CLASP1: variants seen among roughly 807,000 people sequenced by gnomAD.
CLASP1 encodes the protein cytoplasmic linker associated protein 1.
In CLASP1, 38 loss-of-function variants were observed where a neutral mutation model predicts 192.3. That is an observed-to-expected ratio of 0.20 (90% CI 0.15 to 0.26). The LOEUF (loss-of-function observed/expected upper bound fraction) is 0.26. Among genes scored for constraint, CLASP1 ranks in the 10% least tolerant of loss-of-function variants. CLASP1 has a pLI of 1.00. For missense variants in CLASP1, 1,433 were observed against 1,932.5 expected (o/e 0.74, Z 4.85); for synonymous variants, 691 against 712.8 (o/e 0.97, Z 0.49).
intron 2 of CLASP1, among the ~76,000 whole-genome samples, chr2:121,552,663 A>G (rs2058147258): frequency 6.6e-6 from 1 of 152,236 alleles, no homozygotes; most frequent in Non-Finnish European, 1.5e-5. Flanking sequence ...ACACAGTCAG[A>G]ATGGCTATTA....
intron 8 of CLASP1, among the ~76,000 whole-genome samples, chr2:121,483,104 T>C (rs531153943): frequency 1.3e-5 from 2 of 152,312 alleles, no homozygotes; most frequent in African/African-American, 4.8e-5. Flanking sequence ...CTCTTCTAGA[T>C]ACCAAAGCTC....
intron 7 of CLASP1, among the ~76,000 whole-genome samples, chr2:121,507,796 A>G (rs928903419): frequency 6.6e-6 from 1 of 152,218 alleles, no homozygotes; most frequent in East Asian, 1.9e-4. Flanking sequence ...CATTGTGCAC[A>G]AGGGATCCTC....
chr2:121,468,745 T>C (rs1373339625), intron 9 of CLASP1, among the ~76,000 whole-genome samples: 1 of 152,188 alleles, frequency 6.6e-6, no homozygotes, highest in Non-Finnish European at 1.5e-5. Context: ...ACTTCCTCTC[T>C]TCCTATGTGA....
chr2:121,645,604 C>T (rs2073039730), intron 1 of CLASP1, among the ~76,000 whole-genome samples: 1 of 152,202 alleles, frequency 6.6e-6, no homozygotes, highest in Non-Finnish European at 1.5e-5. Context: ...TCTACAAACT[C>T]CCTGTGCCAT....
chr2:121,645,407 A>T (rs1298668232), intron 1 of CLASP1, among the ~76,000 whole-genome samples: 1 of 152,212 alleles, frequency 6.6e-6, no homozygotes, highest in East Asian at 1.9e-4. Context: ...TGTGACACTG[A>T]TGATCAGAAT....
chr2:121,401,036 G>A (rs982606965), intron 28 of CLASP1, among the ~76,000 whole-genome samples: 6 of 152,288 alleles, frequency 3.9e-5, no homozygotes, highest in Non-Finnish European at 7.3e-5. Flanking sequence ...AGCCAGAAGG[G>A]TCACAACTAC....
chr2:121,553,057 G>A (rs1315900504), intron 2 of CLASP1, among the ~76,000 whole-genome samples: 1 of 152,214 alleles, frequency 6.6e-6, no homozygotes, highest in African/African-American at 2.4e-5. Flanking sequence ...GGATGGAGCT[G>A]GAGGCTATTA....
intron 2 of CLASP1, among the ~76,000 whole-genome samples, chr2:121,563,670 C>G (rs1312039799): frequency 6.6e-6 from 1 of 152,110 alleles, no homozygotes; most frequent in African/African-American, 2.4e-5. Context: ...AAATTCTCAG[C>G]TCTGGGGAAA....
chr2:121,518,633 C>T (rs1575609532), intron 6 of CLASP1, among the ~76,000 whole-genome samples: 1 of 151,784 alleles, frequency 6.6e-6, no homozygotes, highest in African/African-American at 2.4e-5. Flanking sequence ...TTTGGGTGGC[C>T]GAGGCAGGCA....
intron 9 of CLASP1, among the ~76,000 whole-genome samples, chr2:121,465,558 G>A (rs2089373477): frequency 2.0e-5 from 3 of 152,260 alleles, no homozygotes; most frequent in South Asian, 4.1e-4. Context: ...ATGCTCATGG[G>A]TAGGAAGAAT....
At chr2:121,426,376 A>G (rs747263111) in intron 21 of CLASP1, among the ~76,000 whole-genome samples, 2 of 152,224 alleles carry the variant, frequency 1.3e-5, no homozygotes, top group Non-Finnish European at 2.9e-5. Context: ...GTTTTGAAAT[A>G]TAAAACTAAA....
chr2:121,353,013 T>C (rs1441496768), intron 37 of CLASP1, among the ~76,000 whole-genome samples: 3 of 152,100 alleles, frequency 2.0e-5, no homozygotes, highest in Admixed American at 6.6e-5. Context: ...GTAAACCAGC[T>C]TGGTATATTT....
At chr2:121,514,147 CCT>C (rs1213838860) in intron 7 of CLASP1, among the ~76,000 whole-genome samples, 23 of 152,178 alleles carry the variant, frequency 1.5e-4, no homozygotes, top group African/African-American at 3.9e-4. Context: ...GTCATTTCCC[CCT>C]GATTTGCTAG....
intron 1 of CLASP1, among the ~76,000 whole-genome samples, chr2:121,632,836 C>T (rs1156366975): frequency 1.3e-5 from 2 of 150,428 alleles, no homozygotes; most frequent in Admixed American, 6.6e-5. Context: ...GTGGAGGTTG[C>T]GGTGAGCCAA....
At chr2:121,528,882 T>C (rs1559525533) in intron 3 of CLASP1, 102 bp from the exon 4 acceptor site, 3 of 846,810 alleles carry the variant, frequency 3.5e-6, no homozygotes, top group Admixed American at 1.8e-5. Context: ...ACCCCTGACC[T>C]AAATGATGTA....
At chr2:121,373,223 GCTCT>G (rs890735887) in intron 34 of CLASP1, among the ~76,000 whole-genome samples, 1 of 151,958 alleles carries the variant, frequency 6.6e-6, no homozygotes, top group East Asian at 1.9e-4. Context: ...TTCCCCCTTC[GCTCT>G]CTCTCTTGCC....
intron 2 of CLASP1, among the ~76,000 whole-genome samples, chr2:121,552,417 G>A (rs926229242): frequency 6.6e-6 from 1 of 152,062 alleles, no homozygotes; most frequent in African/African-American, 2.4e-5. Flanking sequence ...CTACAGAATG[G>A]GAGAAAATAT....
intron 2 of CLASP1, among the ~76,000 whole-genome samples, chr2:121,602,074 T>C (rs1175804545): frequency 1.3e-5 from 2 of 149,916 alleles, no homozygotes; most frequent in African/African-American, 2.5e-5. Context: ...ACTCAGGAGG[T>C]TGAGGCATGA....
At chr2:121,358,123 T>C (rs1407951900) in intron 37 of CLASP1, among the ~76,000 whole-genome samples, 3 of 152,210 alleles carry the variant, frequency 2.0e-5, no homozygotes, top group Admixed American at 6.5e-5. Flanking sequence ...GCTCAGTAAC[T>C]TGGAATCTCT....
Sources: gnomAD v4.1 joint callset for allele counts (sites outside exome capture counted in the v4.1 genomes callset) on GRCh38, gnomAD v4.1.1 for gene constraint, MANE v1.5 for transcripts, NCBI Gene and HGNC (gene_info 2026-07-23, HGNC 2026-07-21) for gene names.